The following SPIRE1 variants were observed in gnomAD, a reference collection of about 807,000 sequenced individuals.
The protein encoded by SPIRE1 is protein spire homolog 1.
Under a neutral mutation model 94.1 loss-of-function variants are expected in SPIRE1, and 40 were observed. The ratio of observed to expected loss-of-function variants is 0.43; its 90% confidence interval spans 0.33 to 0.55. The LOEUF (loss-of-function observed/expected upper bound fraction) is 0.55. Among genes scored for constraint, SPIRE1 ranks in the 20% least tolerant of loss-of-function variants. The pLI, the probability that SPIRE1 is intolerant of heterozygous loss-of-function variation, is 0.06. For missense variants in SPIRE1, 838 were observed against 975.2 expected, an observed-to-expected ratio of 0.86 and a Z score of 1.87; for synonymous variants, 376 against 371.7, an observed-to-expected ratio of 1.01 and a Z score of -0.13.
At chr18:12,543,080 G>A (rs1045699716) in intron 3 of SPIRE1, among the ~76,000 whole-genome samples, 5 of 152,112 alleles carry the variant, frequency 3.3e-5, no homozygotes, top group African/African-American at 1.2e-4. Flanking sequence ...CGCCCGTCTC[G>A]GCCTCCCAAA....
intron 10 of SPIRE1, among the ~76,000 whole-genome samples, chr18:12,475,289 C>A (rs928446521): frequency 9.8e-5 from 15 of 152,356 alleles, no homozygotes; most frequent in African/African-American, 3.6e-4. Flanking sequence ...ACTCACTGAA[C>A]TGACCTCTGC....
intron 1 of SPIRE1, among the ~76,000 whole-genome samples, chr18:12,641,091 T>C (rs913599777): frequency 1.3e-5 from 2 of 152,034 alleles, no homozygotes; most frequent in African/African-American, 4.8e-5. Context: ...ATGAAATAAT[T>C]TGGAAGTAGA....
intron 1 of SPIRE1, among the ~76,000 whole-genome samples, chr18:12,636,730 GATAAGT>G (rs1415588285): frequency 6.6e-6 from 1 of 152,102 alleles, no homozygotes. Flanking sequence ...AATAGGGTTT[GATAAGT>G]ATAAGACTGT....
At chr18:12,648,095 T>C (rs1053691487) in intron 1 of SPIRE1, among the ~76,000 whole-genome samples, 4 of 152,144 alleles carry the variant, frequency 2.6e-5, no homozygotes, top group African/African-American at 9.7e-5. Context: ...TGATTGAATA[T>C]ATAAGTAAAT....
chr18:12,452,554 G>A, intron 14 of SPIRE1, 42 bp from the exon 15 acceptor site: 1 of 1,607,232 alleles, frequency 6.2e-7, no homozygotes, highest in Non-Finnish European at 8.5e-7. Flanking sequence ...TGATACCAGG[G>A]GACGCAACTG....
At chr18:12,595,678 T>C (rs2036651723) in intron 2 of SPIRE1, among the ~76,000 whole-genome samples, 1 of 152,160 alleles carries the variant, frequency 6.6e-6, no homozygotes, top group Non-Finnish European at 1.5e-5. Flanking sequence ...AAAATATAGA[T>C]ACAAAAATAA....
intron 1 of SPIRE1, among the ~76,000 whole-genome samples, chr18:12,649,521 C>A (rs776533205): frequency 5.3e-5 from 8 of 152,068 alleles, no homozygotes; most frequent in Non-Finnish European, 1.0e-4. Context: ...TTCTACTTAG[C>A]CAACAAGAAG....
At position 12,657,671 on chromosome 18, in the gene SPIRE1, A is replaced by G; in HGVS notation, c.196T>C (p.Cys66Arg). 1 of 1,354,662 alleles carries G rather than the reference A, an allele frequency of 7.4e-7. No homozygotes were observed. The allele number at this position is 1,354,662 out of a possible 1,614,324, so 83.9% of individuals were successfully genotyped here. The part of the protein sequence containing the change: ...EQAWAVCYQC[C>R]GSLRAAARRR... ...CGGGCGGCGGCGCGCAGGGAACCGC[A>G]GCACTGGTAGCACACGGCCCACGCC... Residue 66 changes from cysteine (C) to arginine (R), a missense_variant, in exon 1 of 17, where the codon TGC becomes CGC. Physicochemically the swap from Cys to Arg is radical, Grantham distance 180 (BLOSUM62 -3). This residue lies in a region of SPIRE1 where 193 missense variants were observed against 170.5 expected (regional missense o/e 1.13). Transcript: ENST00000409402.
chr18:12,655,268 A>AG (rs2038508203), intron 1 of SPIRE1, among the ~76,000 whole-genome samples: 1 of 151,634 alleles, frequency 6.6e-6, no homozygotes, highest in Non-Finnish European at 1.5e-5. Flanking sequence ...GAGAGAGAGA[A>AG]AGAGAAAGAA....
intron 4 of SPIRE1, among the ~76,000 whole-genome samples, chr18:12,513,533 ATTTATTTG>A (rs2034104238): frequency 1.8e-5 from 2 of 108,862 alleles, no homozygotes; most frequent in East Asian, 2.4e-4. Flanking sequence ...TTATTTATTT[ATTTATTTG>A]AGGTGGAGTT....
At chr18:12,575,571 G>A (rs1042536727) in intron 2 of SPIRE1, among the ~76,000 whole-genome samples, 2 of 152,046 alleles carry the variant, frequency 1.3e-5, no homozygotes, top group East Asian at 3.9e-4. Flanking sequence ...TGGTCTCAAG[G>A]GATTCTCCCA....
At chr18:12,567,019 T>C (rs554885389) in intron 2 of SPIRE1, among the ~76,000 whole-genome samples, 2 of 152,246 alleles carry the variant, frequency 1.3e-5, no homozygotes, top group East Asian at 3.9e-4. Context: ...TTATCCCAGG[T>C]ATGCAAGAAA....
chr18:12,596,198 C>T (rs1470277420), intron 2 of SPIRE1, among the ~76,000 whole-genome samples: 2 of 152,096 alleles, frequency 1.3e-5, no homozygotes, highest in Non-Finnish European at 2.9e-5. Flanking sequence ...ATATATATTA[C>T]CCAACTTTTA....
chr18:12,599,413 A>G (rs1309913997), intron 2 of SPIRE1, among the ~76,000 whole-genome samples: 1 of 151,992 alleles, frequency 6.6e-6, no homozygotes, highest in East Asian at 1.9e-4. Context: ...GGTACGCCCC[A>G]CTACACCTGG....
chr18:12,456,865 T>A (rs914753700), intron 12 of SPIRE1, among the ~76,000 whole-genome samples: 2 of 152,218 alleles, frequency 1.3e-5, no homozygotes, highest in Admixed American at 1.3e-4. Context: ...TGAGACAAGG[T>A]CTCGCTCTGT....
intron 2 of SPIRE1, among the ~76,000 whole-genome samples, chr18:12,620,166 CTT>C (rs1221480246): frequency 6.6e-6 from 1 of 151,962 alleles, no homozygotes; most frequent in Admixed American, 6.6e-5. Context: ...GGGAATTCCC[CTT>C]TTTTTGGAGT....
upstream of SPIRE1, chr18:12,658,815 C>T (rs1294184327): frequency 3.1e-6 from 1 of 321,324 alleles, no homozygotes; most frequent in South Asian, 2.3e-5. Context: ...GTTTTCCTCA[C>T]TGACTTCTCC....
chr18:12,649,636 C>T (rs543829536), intron 1 of SPIRE1, among the ~76,000 whole-genome samples: 17 of 152,238 alleles, frequency 1.1e-4, no homozygotes, highest in Admixed American at 1.0e-3. Context: ...TCTGACCTTC[C>T]ATATATAACA....
intron 1 of SPIRE1, among the ~76,000 whole-genome samples, chr18:12,648,139 CAAAA>C (rs1258594450): frequency 1.3e-5 from 2 of 152,120 alleles, no homozygotes; most frequent in Non-Finnish European, 2.9e-5. Flanking sequence ...TCACAGAATT[CAAAA>C]TAACTCTAAG....
Sources: gnomAD v4.1 joint callset for allele counts (sites outside exome capture counted in the v4.1 genomes callset) on GRCh38, gnomAD v4.1.1 for gene constraint, gnomAD v4.1.1 regional missense constraint, MANE v1.5 for transcripts, NCBI Gene and HGNC (gene_info 2026-07-23, HGNC 2026-07-21) for gene names.